The following PIBF1 variants were observed in gnomAD, a reference collection of about 807,000 sequenced individuals.
The protein encoded by PIBF1 is progesterone immunomodulatory binding factor 1.
A neutral mutation model predicts 112.5 loss-of-function variants in PIBF1; 90 were observed. The ratio of observed to expected loss-of-function variants is 0.80; its 90% CI spans 0.67 to 0.95. PIBF1 has a LOEUF of 0.95. PIBF1 is among the 40% of genes least tolerant of loss of function. PIBF1 has a pLI of 0.00. For synonymous variants in PIBF1, 301 were observed against 288.6 expected, an observed-to-expected ratio of 1.04 and a Z score of -0.44; for missense variants, 915 against 852.3, an observed-to-expected ratio of 1.07 and a Z score of -0.92.
chr13:72,968,934 A>C (rs1270461711), intron 15 of PIBF1, among the ~76,000 whole-genome samples: 1 of 152,008 alleles, frequency 6.6e-6, no homozygotes, highest in Non-Finnish European at 1.5e-5. Context: ...CTGGCTACTC[A>C]GGAGGCTGAG....
At chr13:72,866,426 A>G (rs76024243) in intron 10 of PIBF1, among the ~76,000 whole-genome samples, 3,342 of 152,222 alleles carry the variant, frequency 0.022, 138 homozygotes, top group African/African-American at 0.076. Context: ...GATTTAACTA[A>G]AATTTTCTAA....
intron 2 of PIBF1, among the ~76,000 whole-genome samples, chr13:72,790,752 G>GT (rs2034883124): frequency 1.3e-5 from 2 of 152,142 alleles, no homozygotes; most frequent in African/African-American, 4.8e-5. Context: ...GTGGTTAGCT[G>GT]TATCAAGTCA....
chr13:72,807,216 C>T (rs1172073609), intron 5 of PIBF1, among the ~76,000 whole-genome samples: 1 of 149,898 alleles, frequency 6.7e-6, no homozygotes, highest in Admixed American at 6.6e-5. Context: ...AAATGAAAAA[C>T]AAAAATAGAA....
chr13:72,894,314 T>C (rs2040181689), intron 11 of PIBF1, among the ~76,000 whole-genome samples: 1 of 152,086 alleles, frequency 6.6e-6, no homozygotes, highest in South Asian at 2.1e-4. Flanking sequence ...TTTTCAGTTT[T>C]CATCAAATAA....
chr13:72,840,092 C>T (rs2037539543), intron 9 of PIBF1, among the ~76,000 whole-genome samples: 1 of 152,182 alleles, frequency 6.6e-6, no homozygotes, highest in Admixed American at 6.5e-5. Context: ...GGACACCTAA[C>T]TAGCTAGGTG....
chr13:72,783,700 G>A lies in PIBF1; in HGVS notation c.231G>A (p.Leu77=). Residue 77 remains leucine, a synonymous_variant, in exon 2 of 18, where the codon TTG becomes TTA. Transcript: ENST00000326291. ...AGAAAACTATGATGATCGACAATTTGAAAGTGGATTATCTTACAAAGGTAA... is the reference window on the plus strand; with the variant it reads ...AGAAAACTATGATGATCGACAATTTAAAAGTGGATTATCTTACAAAGGTAA... ...LSQKTMMIDN[L]KVDYLTKIEE... is the part of the protein sequence containing the mutation. 6.2e-7 allele frequency: 1 copy of A among 1,613,888 alleles called. No homozygotes were observed. The highest frequency in any genetic ancestry group is 8.5e-7 in the Non-Finnish European group (1 of 1,179,840).
chr13:72,798,702 C>T (rs2137984948), intron 5 of PIBF1, among the ~76,000 whole-genome samples: 1 of 152,082 alleles, frequency 6.6e-6, no homozygotes, highest in South Asian at 2.1e-4. Flanking sequence ...TAGTTATAGT[C>T]TACTAACAAA....
chr13:72,882,708 C>G (rs1326528248), intron 10 of PIBF1, among the ~76,000 whole-genome samples: 3 of 152,294 alleles, frequency 2.0e-5, no homozygotes, highest in Non-Finnish European at 4.4e-5. Flanking sequence ...CACTGATCAT[C>G]AGAGAAATGC....
intron 13 of PIBF1, among the ~76,000 whole-genome samples, chr13:72,929,091 G>A (rs1244637940): frequency 1.3e-5 from 2 of 152,070 alleles, no homozygotes; most frequent in Non-Finnish European, 1.5e-5. Context: ...ATGTTTAAGT[G>A]ACCCTAGTGT....
At chr13:72,819,016 A>T (rs2138107349) in intron 5 of PIBF1, among the ~76,000 whole-genome samples, 1 of 152,242 alleles carries the variant, frequency 6.6e-6, no homozygotes, top group South Asian at 2.1e-4. Context: ...GGAAATCTTC[A>T]GATGAGAACT....
intron 11 of PIBF1, chr13:72,900,976 T>C: frequency 2.8e-6 from 1 of 356,786 alleles, no homozygotes; most frequent in South Asian, 2.1e-5. Flanking sequence ...GAACCGAGAT[T>C]GCGCCATTCC....
At chr13:72,937,180 C>G (rs2041893135) in intron 14 of PIBF1, among the ~76,000 whole-genome samples, 1 of 152,150 alleles carries the variant, frequency 6.6e-6, no homozygotes, top group East Asian at 1.9e-4. Context: ...TGGTTATGTT[C>G]AAGTTTTTCA....
chr13:72,786,049 C>T (rs566476257), intron 2 of PIBF1, among the ~76,000 whole-genome samples: 2 of 152,240 alleles, frequency 1.3e-5, no homozygotes, highest in East Asian at 3.9e-4. Context: ...CCGTGATTTC[C>T]TATAAAATGA....
At chr13:72,862,802 G>A (rs1036333324) in intron 10 of PIBF1, among the ~76,000 whole-genome samples, 10 of 152,072 alleles carry the variant, frequency 6.6e-5, no homozygotes, top group Admixed American at 5.2e-4. Flanking sequence ...CACCAAAGAA[G>A]GAAAGAATCA....
At chr13:72,876,287 A>G (rs966048949) in intron 10 of PIBF1, among the ~76,000 whole-genome samples, 1 of 151,752 alleles carries the variant, frequency 6.6e-6, no homozygotes, top group African/African-American at 2.4e-5. Context: ...TGTTCCACTG[A>G]TCTATTTGTC....
intron 11 of PIBF1, among the ~76,000 whole-genome samples, chr13:72,896,945 A>G (rs968511397): frequency 6.6e-6 from 1 of 152,340 alleles, no homozygotes; most frequent in East Asian, 1.9e-4. Context: ...AGAAGCACCA[A>G]GAACACCTGG....
chr13:72,928,599 C>G (rs2041609297), intron 13 of PIBF1, among the ~76,000 whole-genome samples: 3 of 152,242 alleles, frequency 2.0e-5, no homozygotes, highest in African/African-American at 7.2e-5. Flanking sequence ...GCCACCACGC[C>G]CAGCTAATTT....
intron 9 of PIBF1, among the ~76,000 whole-genome samples, chr13:72,843,903 G>A (rs1220895255): frequency 1.3e-5 from 2 of 152,128 alleles, no homozygotes; most frequent in South Asian, 2.1e-4. Flanking sequence ...TCCCTAGGAT[G>A]CCATTAAAAA....
At chr13:72,959,106 G>A (rs960310794) in intron 14 of PIBF1, among the ~76,000 whole-genome samples, 6 of 152,080 alleles carry the variant, frequency 3.9e-5, no homozygotes, top group Non-Finnish European at 8.8e-5. Context: ...AGCAGCTCTT[G>A]TGCCTCAGCC....
Sources: allele counts gnomAD v4.1 joint callset (sites outside exome capture counted in the v4.1 genomes callset), GRCh38; gene constraint gnomAD v4.1.1; transcripts MANE v1.5; gene names NCBI Gene and HGNC (gene_info 2026-07-23, HGNC 2026-07-21).